Variants in ANKFY1 observed in about 807,000 individuals in gnomAD.
ANKFY1 encodes ankyrin repeat and FYVE domain-containing protein 1.
Under a neutral mutation model 128.3 loss-of-function variants are expected in ANKFY1, and 47 were observed. The observed-to-expected ratio is 0.37, with a 90% CI of 0.29 to 0.47. The LOEUF (loss-of-function observed/expected upper bound fraction) is 0.47, where lower values mean the gene tolerates loss of function less well. Ranked by LOEUF, ANKFY1 falls within the 20% of genes least tolerant of loss-of-function variation. The probability of loss-of-function intolerance (pLI) is 1.00; values close to 1 mark genes in which losing one functional copy is unlikely to be tolerated. For missense variants in ANKFY1, 1,222 were observed against 1,510.6 expected (o/e 0.81, Z 3.17); for synonymous variants, 553 against 601.6 (o/e 0.92, Z 1.18).
At chr17:4,263,700 G>T in intron 1 of ANKFY1, 4 of 1,500,180 alleles carry the variant, frequency 2.7e-6, no homozygotes, top group Non-Finnish European at 3.5e-6. Context: ...GCCCGGCTCC[G>T]CAGCCGGCCG....
chr17:4,197,599 A>G, intron 7 of ANKFY1, 22 bp from the exon 8 acceptor site: 1 of 1,609,254 alleles, frequency 6.2e-7, no homozygotes, highest in Non-Finnish European at 8.5e-7. Context: ...ATAATAGAAG[A>G]AACAGTGTCA....
intron 2 of ANKFY1, among the ~76,000 whole-genome samples, chr17:4,240,398 A>ATTTT (rs149346704): frequency 7.2e-6 from 1 of 139,478 alleles, no homozygotes; most frequent in East Asian, 2.3e-4. Context: ...TTATTTATTT[A>ATTTT]TTTATTTTTT....
rs74429648 is a variant in ANKFY1, at chr17:4,187,569, T to G, written c.1470+1813A>C. On this transcript the variant is annotated intron_variant, in intron 11 of 24. Coordinates refer to ENST00000341657, the MANE Select transcript of ANKFY1 (RefSeq NM_001330063.2). Reference sequence around the variant, plus strand: ...AGTGCTTTCAAGTGAGGCCTCCCGTTTCTCTACAGCTTGGGTTTGACCTAG... The same window carrying G: ...AGTGCTTTCAAGTGAGGCCTCCCGTGTCTCTACAGCTTGGGTTTGACCTAG... The G allele has an allele frequency of 5.4e-3, 1,718 of 319,066 alleles. 22 individuals carry two copies. Among genetic ancestry groups the G allele is most frequent in the African/African-American group, 0.031 (1,446 of 47,084 alleles). The allele number at this position is 319,066 out of a possible 1,614,324, so 19.8% of individuals were successfully genotyped here. A position where few individuals can be genotyped will look rare whatever the true frequency, so the allele number is the denominator to read the frequency against.
intron 7 of ANKFY1, among the ~76,000 whole-genome samples, chr17:4,198,041 T>C (rs1598056862): frequency 6.6e-6 from 1 of 151,810 alleles, no homozygotes; most frequent in Non-Finnish European, 1.5e-5. Flanking sequence ...AGGCACGAGA[T>C]TCGCTTGAAC....
rs924005438 is a variant in ANKFY1 at position 4,197,334 on chromosome 17, G to C, written c.1103+39C>G. On this transcript the variant is annotated intron_variant, in intron 8 of 24. Transcript: ENST00000341657. Reference sequence around the variant, plus strand: ...CATGCTACTGTAAGATATCTTCTGAGAACAGTGCTAAGGGCACAGTGTCTG... The same window carrying C: ...CATGCTACTGTAAGATATCTTCTGACAACAGTGCTAAGGGCACAGTGTCTG... The C allele has an allele frequency of 5.0e-6, 8 of 1,602,642 alleles. No individual in the cohort carries two copies. In the Admixed American group the frequency reaches 5.0e-5, roughly 10 times the overall value.
chr17:4,238,976 T>A (rs1363204179), intron 2 of ANKFY1, among the ~76,000 whole-genome samples: 1 of 151,720 alleles, frequency 6.6e-6, no homozygotes, highest in East Asian at 1.9e-4. Flanking sequence ...CAGGCTGGTG[T>A]CAAACTCCTG....
Position 4,182,235 on chromosome 17 carries a change from G to T in ANKFY1, c.2067C>A (p.Asn689Lys), listed in dbSNP as rs1317636715. ...TTGCCAATGCAAGCCACAGCGGGGG[G>T]TTCCCCTTCTCATCTGGCACAGACA... ...ADMSVPDEKGNPPLWLALANN... is the reference protein window; with the variant it reads ...ADMSVPDEKGKPPLWLALANN... The change falls in exon 15 of 25, where the codon AAC becomes AAA. Residue 689 changes from asparagine (N) to lysine (K), a missense_variant. Transcript: ENST00000341657. 3 of 1,584,216 alleles carry T rather than the reference G, an allele frequency of 1.9e-6. No homozygotes were observed. The highest frequency in any genetic ancestry group is 4.5e-5 in the East Asian group (2 of 43,984).
chr17:4,174,101 C>T, intron 19 of ANKFY1, 45 bp from the exon 20 acceptor site: 5 of 1,601,478 alleles, frequency 3.1e-6, no homozygotes, highest in Non-Finnish European at 4.3e-6. Context: ...CTGCCACAAT[C>T]AAGATCCCCC....
Position 4,235,572 on chromosome 17 carries a change from T to A in ANKFY1, c.322+200A>T, listed in dbSNP as rs79734736. Reference sequence around the variant, plus strand: ...TACGATTTGTTAGCCAGGTATTACCTCCTAAATAGGTAGGTACACAAAGTA... The same window carrying A: ...TACGATTTGTTAGCCAGGTATTACCACCTAAATAGGTAGGTACACAAAGTA... On this transcript the variant is annotated intron_variant, in intron 3 of 24. Transcript: ENST00000341657. Among the ~76,000 whole-genome samples, 8,026 of 152,226 alleles carry A rather than the reference T, an allele frequency of 0.053. 464 individuals are homozygous for A. The highest frequency in any genetic ancestry group is 0.14 in the African/African-American group (5,929 of 41,488).
Position 4,173,362 on chromosome 17 carries a change from A to T in ANKFY1, c.3006T>A (p.Phe1002Leu). Residue 1002 changes from phenylalanine to leucine, a missense_variant, in exon 21 of 25, where the codon TTT (phenylalanine) becomes TTA (leucine). Transcript: ENST00000341657. Reference protein sequence around the residue: ...LTECTVDAEAFNLRGQSPLHI... With the variant: ...LTECTVDAEALNLRGQSPLHI... Reference sequence around the variant, plus strand: ...GGGCCCAACGCGCTCACCTGAGATTAAAGGCTTCGGCGTCCACTGTGCACT... The same window carrying T: ...GGGCCCAACGCGCTCACCTGAGATTTAAGGCTTCGGCGTCCACTGTGCACT... 6.2e-7 allele frequency: 1 copy of T among 1,614,092 alleles called. No individual in the cohort carries two copies. Among genetic ancestry groups the T allele is most frequent in the Non-Finnish European group, 8.5e-7 (1 of 1,179,954 alleles).
chr17:4,230,453 A>G (rs2060495751), intron 3 of ANKFY1, among the ~76,000 whole-genome samples: 1 of 152,200 alleles, frequency 6.6e-6, no homozygotes, highest in Admixed American at 6.5e-5. Context: ...TGCTACTGGT[A>G]AAGTGCTACA....
intron 1 of ANKFY1, chr17:4,249,167 G>A (rs1598148218): frequency 1.0e-6 from 1 of 981,568 alleles, no homozygotes; most frequent in Non-Finnish European, 1.2e-6. Flanking sequence ...TAGGTCAGGA[G>A]TTGGCATACT....
At chr17:4,190,366 A>G (rs2059695955) in intron 10 of ANKFY1, among the ~76,000 whole-genome samples, 1 of 151,964 alleles carries the variant, frequency 6.6e-6, no homozygotes, top group Non-Finnish European at 1.5e-5. Context: ...GCTTGAACCC[A>G]CGAGGCAGAG....
intron 1 of ANKFY1, among the ~76,000 whole-genome samples, chr17:4,246,483 T>A (rs558492398): frequency 6.6e-6 from 1 of 152,204 alleles, no homozygotes; most frequent in Admixed American, 6.5e-5. Flanking sequence ...CACCAGATGC[T>A]ATGCAAGTCA....
chr17:4,240,402 A>ATT (rs1555637477), intron 2 of ANKFY1, among the ~76,000 whole-genome samples: 9,864 of 149,462 alleles, frequency 0.066, 394 homozygotes, highest in African/African-American at 0.085. Context: ...TTATTTATTT[A>ATT]TTTTTTTAAG....
chr17:4,203,845 G>GAAA (rs397932887), intron 7 of ANKFY1, among the ~76,000 whole-genome samples: 1 of 112,668 alleles, frequency 8.9e-6, no homozygotes, highest in South Asian at 3.5e-4. Flanking sequence ...AAAAAAAAAA[G>GAAA]AAAGAAAGAA....
rs192637283 is a variant in ANKFY1, at chr17:4,187,856, C to A, written c.1470+1526G>T. 1,060 of 152,230 alleles carry A rather than the reference C, an allele frequency of 7.0e-3. 7 individuals carry two copies. The highest frequency in any genetic ancestry group is 0.012 in the Non-Finnish European group (834 of 68,084). The allele number at this position is 152,230 out of a possible 1,614,324, so 9.4% of individuals were successfully genotyped here. ...CTAATTTTTGTATTTTTAGTAGGGACAGGGTTTCGCCATGTTGGCCAGGCT... is the reference window on the plus strand; with the variant it reads ...CTAATTTTTGTATTTTTAGTAGGGAAAGGGTTTCGCCATGTTGGCCAGGCT... On this transcript the variant is annotated intron_variant, in intron 11 of 24. Transcript: ENST00000341657.
intron 3 of ANKFY1, among the ~76,000 whole-genome samples, chr17:4,229,589 T>G (rs2060480741): frequency 6.6e-6 from 1 of 152,132 alleles, no homozygotes; most frequent in African/African-American, 2.4e-5. Flanking sequence ...AAATCTGCAA[T>G]AAGCCAACAC....
intron 14 of ANKFY1, among the ~76,000 whole-genome samples, chr17:4,182,717 A>G (rs1001720945): frequency 6.6e-6 from 1 of 152,194 alleles, no homozygotes; most frequent in Non-Finnish European, 1.5e-5. Flanking sequence ...TACAACCACA[A>G]TAAAAATTTG....
Sources: gnomAD v4.1 joint callset for allele counts (sites outside exome capture counted in the v4.1 genomes callset) on GRCh38, gnomAD v4.1.1 for gene constraint, MANE v1.5 for transcripts, NCBI Gene and HGNC (gene_info 2026-07-23, HGNC 2026-07-21) for gene names.